The following GRIK2 variants were observed in gnomAD, a reference collection of about 807,000 sequenced individuals.
GRIK2 encodes the protein glutamate receptor ionotropic, kainate 2.
A neutral mutation model predicts 100.3 loss-of-function variants in GRIK2; 32 were observed. The observed-to-expected ratio is 0.32, with a 90% CI of 0.24 to 0.43. The LOEUF (loss-of-function observed/expected upper bound fraction) is 0.43, where lower values mean the gene tolerates loss of function less well. Ranked by LOEUF, GRIK2 falls within the 20% of genes least tolerant of loss-of-function variation. GRIK2 has a pLI of 1.00. For missense variants in GRIK2, 843 were observed against 1,114.9 expected, an observed-to-expected ratio of 0.76 and a Z score of 3.47; for synonymous variants, 417 against 389.4, an observed-to-expected ratio of 1.07 and a Z score of -0.83.
intron 15 of GRIK2, among the ~76,000 whole-genome samples, chr6:102,041,344 G>A (rs979033081): frequency 6.6e-6 from 1 of 151,590 alleles, no homozygotes; most frequent in African/African-American, 2.4e-5. Context: ...CAAGACCATG[G>A]CTTCAAATTT....
intron 2 of GRIK2, among the ~76,000 whole-genome samples, chr6:101,533,668 G>T (rs529839362): frequency 8.9e-4 from 136 of 152,054 alleles, no homozygotes; most frequent in Non-Finnish European, 1.6e-3. Flanking sequence ...TGCTGACAAT[G>T]CCTTAGGCCA....
chr6:101,520,588 G>A (rs1302379121), intron 2 of GRIK2, among the ~76,000 whole-genome samples: 1 of 151,994 alleles, frequency 6.6e-6, no homozygotes, highest in East Asian at 1.9e-4. Flanking sequence ...AAATCTCATT[G>A]AATGCAGTAA....
intron 2 of GRIK2, among the ~76,000 whole-genome samples, chr6:101,482,142 G>GT (rs1251816340): frequency 6.6e-6 from 1 of 152,114 alleles, no homozygotes. Context: ...TACGTCATTG[G>GT]TTATTATACA....
rs151115328 is a variant in GRIK2 at position 101,682,220 on chromosome 6, G to A, written c.724-333G>A. Among the ~76,000 whole-genome samples the A allele has an allele frequency of 1.8e-3, 278 of 152,264 alleles. 2 individuals carry two copies. Among genetic ancestry groups the A allele is most frequent in the African/African-American group, 5.6e-3 (231 of 41,578 alleles). On this transcript the variant is annotated intron_variant, in intron 5 of 16. Coordinates refer to ENST00000369134, the MANE Select transcript of GRIK2 (RefSeq NM_021956.5). ...AATGGTGTTCCTCATTGGAGTATTT[G>A]TAGTGAAGACGTTACGAATGTAACA...
chr6:102,030,498 T>G (rs1439951959), intron 14 of GRIK2, among the ~76,000 whole-genome samples: 1 of 151,110 alleles, frequency 6.6e-6, no homozygotes, highest in Non-Finnish European at 1.5e-5. Context: ...TTCTAAGAGC[T>G]TCACTCCCCT....
intron 7 of GRIK2, among the ~76,000 whole-genome samples, chr6:101,733,136 G>A (rs946011556): frequency 5.9e-5 from 9 of 151,908 alleles, no homozygotes; most frequent in African/African-American, 9.7e-5. Flanking sequence ...TACAAAATAC[G>A]TTCATTTCAC....
At chr6:101,749,813 T>TC (rs1776672186) in intron 7 of GRIK2, among the ~76,000 whole-genome samples, 1 of 144,220 alleles carries the variant, frequency 6.9e-6, no homozygotes, top group African/African-American at 2.6e-5. Context: ...CTTTTTTTTT[T>TC]TTTTTTTTTT....
chr6:101,989,558 T>C (rs1472541391), intron 14 of GRIK2, among the ~76,000 whole-genome samples: 1 of 151,404 alleles, frequency 6.6e-6, no homozygotes, highest in Non-Finnish European at 1.5e-5. Context: ...AATTAGTTAG[T>C]TAATTAGCTT....
chr6:101,830,360 G>A (rs1239553553), intron 10 of GRIK2, among the ~76,000 whole-genome samples: 1 of 151,842 alleles, frequency 6.6e-6, no homozygotes, highest in Non-Finnish European at 1.5e-5. Flanking sequence ...CTAGACATTG[G>A]CCAAAAATTT....
intron 4 of GRIK2, among the ~76,000 whole-genome samples, chr6:101,627,154 T>C (rs956157616): frequency 6.6e-6 from 1 of 151,102 alleles, no homozygotes; most frequent in African/African-American, 2.4e-5. Flanking sequence ...TGTGTGTACA[T>C]AGACAGATAG....
chr6:101,585,444 T>C (rs1290553933), intron 2 of GRIK2, among the ~76,000 whole-genome samples: 1 of 152,108 alleles, frequency 6.6e-6, no homozygotes, highest in African/African-American at 2.4e-5. Flanking sequence ...GAGTCAAATG[T>C]ACTATGCCAT....
chr6:102,024,340 A>T (rs755675961), intron 14 of GRIK2, among the ~76,000 whole-genome samples: 4 of 151,210 alleles, frequency 2.6e-5, no homozygotes, highest in Non-Finnish European at 4.4e-5. Flanking sequence ...GAAATCATTA[A>T]TAGTGGATAT....
intron 2 of GRIK2, among the ~76,000 whole-genome samples, chr6:101,498,627 A>G (rs1392208122): frequency 6.6e-6 from 1 of 151,298 alleles, no homozygotes; most frequent in Non-Finnish European, 1.5e-5. Flanking sequence ...AGTGATGATG[A>G]GCATTTTTTC....
chr6:101,741,570 A>G (rs778971585), intron 7 of GRIK2, among the ~76,000 whole-genome samples: 3 of 152,188 alleles, frequency 2.0e-5, no homozygotes, highest in African/African-American at 7.2e-5. Context: ...TTAAAAGGGC[A>G]TCAGTGGAAA....
chr6:101,801,113 T>G (rs1008489517), intron 8 of GRIK2, among the ~76,000 whole-genome samples: 1 of 152,068 alleles, frequency 6.6e-6, no homozygotes, highest in Non-Finnish European at 1.5e-5. Flanking sequence ...AGAATTGAAT[T>G]TGTGATAAAA....
At chr6:101,590,437 G>T (rs1425889899) in intron 2 of GRIK2, among the ~76,000 whole-genome samples, 1 of 151,996 alleles carries the variant, frequency 6.6e-6, no homozygotes, top group Non-Finnish European at 1.5e-5. Flanking sequence ...GGAGACTGTG[G>T]TGCTTGGCCT....
chr6:102,062,241 A>ATAT, intron 16 of GRIK2, among the ~76,000 whole-genome samples: 1 of 150,660 alleles, frequency 6.6e-6, no homozygotes, highest in East Asian at 1.9e-4. Flanking sequence ...AATTTAATTC[A>ATAT]CTAAGAAAGA....
intron 15 of GRIK2, among the ~76,000 whole-genome samples, chr6:102,038,225 C>T (rs2114438831): frequency 6.6e-6 from 1 of 151,426 alleles, no homozygotes; most frequent in East Asian, 2.0e-4. Context: ...TCTTAGAATA[C>T]ATTCAAAAAA....
intron 2 of GRIK2, among the ~76,000 whole-genome samples, chr6:101,567,609 A>C (rs985517240): frequency 6.6e-6 from 1 of 151,994 alleles, no homozygotes; most frequent in African/African-American, 2.4e-5. Context: ...GTCCAGCTAT[A>C]ATGCTGCCAG....
Sources: allele counts gnomAD v4.1 joint callset (sites outside exome capture counted in the v4.1 genomes callset), GRCh38; gene constraint gnomAD v4.1.1; transcripts MANE v1.5; gene names NCBI Gene and HGNC (gene_info 2026-07-23, HGNC 2026-07-21).